Variants in MTCH1 observed in about 807,000 individuals in gnomAD.
MTCH1 encodes the protein mitochondrial carrier 1.
MTCH1 carries 23 observed loss-of-function variants against 49.3 expected under a neutral mutation model. The ratio of observed to expected loss-of-function variants is 0.47; its 90% CI spans 0.34 to 0.66. The LOEUF is 0.66. MTCH1 is among the 30% of genes least tolerant of loss of function. The pLI is 0.01. For synonymous variants in MTCH1, 229 were observed against 215.2 expected (o/e 1.06, Z -0.56); for missense variants, 397 against 532.1 (o/e 0.75, Z 2.50).
At chr6:36,975,553 A>G in intron 7 of MTCH1, 105 bp downstream of exon 7, 1 of 1,085,888 alleles carries the variant, frequency 9.2e-7, no homozygotes, top group East Asian at 2.4e-5. Flanking sequence ...GGGCAGGGCC[A>G]TGTAGTGAAG....
intron 11 of MTCH1, chr6:36,969,795 A>C: frequency 7.0e-6 from 10 of 1,435,954 alleles, no homozygotes; most frequent in Non-Finnish European, 9.2e-6. Flanking sequence ...TTTAAGACTC[A>C]AAGAAGAAAA....
At position 36,970,489 on chromosome 6, in the gene MTCH1, G is replaced by T. The variant is rs1309282351; in HGVS notation, c.955-16C>A. The T allele has an allele frequency of 6.2e-7, 1 of 1,614,094 alleles. No individual in the cohort carries two copies. On this transcript the variant is annotated splice_polypyrimidine_tract_variant and intron_variant, in intron 9 of 11. Transcript: ENST00000373627. The stretch of plus-strand genomic sequence containing the variant: ...TCACTGCAATCTGAAACCCAGAGAG[G>T]CCTGAGTGCCAGTGACCCACCCCGG...
chr6:36,976,789 T>C (rs1237702255), intron 6 of MTCH1, among the ~76,000 whole-genome samples: 1 of 152,098 alleles, frequency 6.6e-6, no homozygotes, highest in African/African-American at 2.4e-5. Flanking sequence ...CCCAAGCCCA[T>C]GGGGTGGATG....
At chr6:36,975,157 C>A (rs138770357) in intron 7 of MTCH1, among the ~76,000 whole-genome samples, 78 of 152,352 alleles carry the variant, frequency 5.1e-4, no homozygotes, top group Non-Finnish European at 9.6e-4. Context: ...ACAAGATTTT[C>A]TGGCTTTTCA....
Position 36,968,919 on chromosome 6 carries a change from CA to C in MTCH1, c.1153del (p.Cys385AlafsTer61). 2 of 1,614,152 alleles carry C rather than the reference CA, an allele frequency of 1.2e-6. No homozygotes were observed. The highest frequency in any genetic ancestry group is 1.7e-6 in the Non-Finnish European group (2 of 1,180,000). On this transcript the variant is annotated frameshift_variant, in exon 12 of 12. Transcript: ENST00000373627. LOFTEE classifies it high-confidence loss of function. ...LLFRRVSSGS[C>X]FALE ...TGATTCAGGTTACTCCAGGGCAAAG[CA>C]TGATCCTGATGACACCCGGCGGAAA...
intron 1 of MTCH1, among the ~76,000 whole-genome samples, chr6:36,985,197 C>T (rs922937712): frequency 3.9e-5 from 6 of 152,066 alleles, no homozygotes; most frequent in African/African-American, 1.5e-4. Flanking sequence ...TTTGCCTTCG[C>T]ACTCTCCCAC....
intron 7 of MTCH1, among the ~76,000 whole-genome samples, chr6:36,973,502 A>G (rs914628858): frequency 1.1e-4 from 16 of 152,174 alleles, no homozygotes; most frequent in Admixed American, 1.3e-4. Context: ...AAAAAATCTT[A>G]TATTTGAAAA....
intron 1 of MTCH1, among the ~76,000 whole-genome samples, chr6:36,984,669 G>C (rs1458237699): frequency 6.6e-6 from 1 of 151,620 alleles, no homozygotes; most frequent in East Asian, 1.9e-4. Context: ...ACCCATCCCA[G>C]CCACACCCAC....
chr6:36,975,463 C>A (rs1185691694), intron 7 of MTCH1, among the ~76,000 whole-genome samples, 195 bp downstream of exon 7: 3 of 152,244 alleles, frequency 2.0e-5, no homozygotes, highest in African/African-American at 7.2e-5. Context: ...TCCACTTTTA[C>A]ATGAGCCATG....
intron 8 of MTCH1, 74 bp from the exon 9 acceptor site, chr6:36,970,768 C>A: frequency 6.7e-7 from 1 of 1,484,826 alleles, no homozygotes; most frequent in Non-Finnish European, 9.3e-7. Context: ...CATGCCCTCA[C>A]CCCACCCTCT....
At chr6:36,984,657 G>C (rs1275387677) in intron 1 of MTCH1, among the ~76,000 whole-genome samples, 1 of 151,432 alleles carries the variant, frequency 6.6e-6, no homozygotes, top group Admixed American at 6.6e-5. Flanking sequence ...CATCAAAACT[G>C]TACCCATCCC....
intron 11 of MTCH1, 43 bp downstream of exon 11, chr6:36,969,996 A>C (rs770319709): frequency 3.1e-6 from 5 of 1,609,386 alleles, no homozygotes; most frequent in Non-Finnish European, 4.2e-6. Context: ...TGAAGGATGT[A>C]GCAAAGAACA....
In MTCH1 at chr6:36,969,117, G is replaced by A. The variant is rs1487435909; in HGVS notation, c.1099-143C>T. The stretch of plus-strand genomic sequence containing the variant: ...GTGGACGGCCTCGGCCTACATCCCT[G>A]GAGGGCAGAATCTGCCTGTGTTGAA... On this transcript the variant is annotated intron_variant, in intron 11 of 11. Transcript: ENST00000373627. 3 of 1,437,950 alleles carry A rather than the reference G, an allele frequency of 2.1e-6. No individual in the cohort carries two copies. The East Asian group carries it at 7.6e-5, about 36-fold the overall frequency. The allele number at this position is 1,437,950 out of a possible 1,614,324, so 89.1% of individuals were successfully genotyped here. A position where few individuals can be genotyped will look rare whatever the true frequency, so the allele number is the denominator to read the frequency against.
chr6:36,970,121 GAGA>G lies in MTCH1; in HGVS notation c.1023-10_1023-8del, dbSNP rs751774267. 6.9e-5 allele frequency: 112 copies of G among 1,613,572 alleles called. 1 individual carries two copies. Among genetic ancestry groups the G allele is most frequent in the South Asian group, 1.4e-4 (13 of 91,078 alleles). ...GGGGAGCCCAGCTTGCAGCCTGCCG[GAGA>G]AGGAGAGTGTAGATGCAGAGAACAG... On this transcript the variant is annotated splice_region_variant and splice_polypyrimidine_tract_variant and intron_variant, in intron 10 of 11. Transcript: ENST00000373627.
intron 1 of MTCH1, among the ~76,000 whole-genome samples, chr6:36,985,441 C>T (rs1764263761): frequency 1.3e-5 from 2 of 150,868 alleles, no homozygotes; most frequent in African/African-American, 4.9e-5. Context: ...CATCTCTTCA[C>T]CCAAACTTCT....
At chr6:36,971,315 A>G (rs973877730) in intron 8 of MTCH1, among the ~76,000 whole-genome samples, 4 of 152,182 alleles carry the variant, frequency 2.6e-5, no homozygotes, top group Non-Finnish European at 5.9e-5. Flanking sequence ...TCGGCCTTTA[A>G]GCCACATACA....
rs1451038510 is a variant in MTCH1, at chr6:36,968,931, G to A, written c.1142C>T (p.Ser381Leu). 1.2e-6 allele frequency: 2 copies of A among 1,614,140 alleles called. No homozygotes were observed. Among genetic ancestry groups the A allele is most frequent in the Admixed American group, 3.3e-5 (2 of 60,024 alleles). The change falls in exon 12 of 12, where the codon TCA (serine) becomes TTA (leucine). Residue 381 changes from serine to leucine, a missense_variant. Ser to Leu is a moderately radical substitution (Grantham distance 145, BLOSUM62 -2). This residue lies in a region of MTCH1 where 252 missense variants were observed against 388.3 expected (regional missense o/e 0.65). Coordinates refer to ENST00000373627, the MANE Select transcript of MTCH1 (RefSeq NM_001271641.2). ...RGSSLLFRRV[S>L]SGSCFALE The stretch of plus-strand genomic sequence containing the variant: ...CTCCAGGGCAAAGCATGATCCTGAT[G>A]ACACCCGGCGGAAAAGCAGGCTGGA...
At position 36,972,206 on chromosome 6, in the gene MTCH1, TA is replaced by T. The variant is rs1246875180; in HGVS notation, c.906+445del. 6.6e-6 allele frequency among the ~76,000 whole-genome samples: 1 copy of T among 152,030 alleles called. No homozygotes were observed. The highest frequency in any genetic ancestry group is 1.9e-4 in the East Asian group (1 of 5,174). On this transcript the variant is annotated intron_variant, in intron 8 of 11. Coordinates refer to ENST00000373627, the MANE Select transcript of MTCH1 (RefSeq NM_001271641.2). This position sits in a 1 kb window ranked among gnomAD's most constrained non-coding sequence, Gnocchi z 4.1. ...TGTGATCTCTGGGTCTCGATTTCTGTATTGGTAAACGAACATTATACCTGCC... is the reference window on the plus strand; with the variant it reads ...TGTGATCTCTGGGTCTCGATTTCTGTTTGGTAAACGAACATTATACCTGCC...
chr6:36,978,685 G>T, intron 2 of MTCH1, 74 bp from the exon 3 acceptor site: 1 of 1,326,628 alleles, frequency 7.5e-7, no homozygotes, highest in South Asian at 1.3e-5. Flanking sequence ...CACACACCCA[G>T]ACCAGGCTCG....
Sources: allele counts gnomAD v4.1 joint callset (sites outside exome capture counted in the v4.1 genomes callset), GRCh38; gene constraint gnomAD v4.1.1; regional missense constraint gnomAD v4.1.1; non-coding constraint Gnocchi (gnomAD v3.1); transcripts MANE v1.5; gene names NCBI Gene and HGNC (gene_info 2026-07-23, HGNC 2026-07-21).